APOA1: variants seen among roughly 807,000 people sequenced by gnomAD.
APOA1 encodes apolipoprotein A-I.
Under a neutral mutation model 25.9 loss-of-function variants are expected in APOA1, and 22 were observed. That is an observed-to-expected ratio of 0.85 (90% CI 0.61 to 1.21). The LOEUF (loss-of-function observed/expected upper bound fraction) is 1.21. Among genes scored for constraint, APOA1 ranks in the 50% most tolerant of loss-of-function variants. The probability of loss-of-function intolerance (pLI) is 0.00; values close to 1 mark genes in which losing one functional copy is unlikely to be tolerated. For synonymous variants in APOA1, 163 were observed against 152.2 expected (o/e 1.07, Z -0.52); for missense variants, 351 against 347.9 (o/e 1.01, Z -0.07).
rs1045089277 is a variant in APOA1, at chr11:116,836,353, G to T, written c.259C>A (p.Gln87Lys). The T allele has an allele frequency of 1.9e-6, 3 of 1,614,038 alleles. No homozygotes were observed. The highest frequency in any genetic ancestry group is 2.7e-5 in the African/African-American group (2 of 74,940). ...AACTCCTGGGTCACAGGGCCGAGCTGTTCGCGCAGCTTGCTGAAGGTGGAG... is the reference window on the plus strand; with the variant it reads ...AACTCCTGGGTCACAGGGCCGAGCTTTTCGCGCAGCTTGCTGAAGGTGGAG... ...VTSTFSKLREQLGPVTQEFWD... is the reference protein window; with the variant it reads ...VTSTFSKLREKLGPVTQEFWD... Residue 87 changes from glutamine to lysine, a missense_variant, in exon 4 of 4, where the codon CAG (glutamine) becomes AAG (lysine). Physicochemically the swap from Gln to Lys is moderately conservative, Grantham distance 53. Transcript: ENST00000236850.
chr11:116,836,741 G>A (rs1317724084), intron 3 of APOA1, among the ~76,000 whole-genome samples: 3 of 152,372 alleles, frequency 2.0e-5, no homozygotes, highest in African/African-American at 4.8e-5. Context: ...AGAGGAGGTG[G>A]TGAAGAAGGG....
rs2134230252 is a variant in APOA1, at chr11:116,835,944, T to C, written c.668A>G (p.His223Arg). Residue 223 changes from histidine (H) to arginine (R), a missense_variant, in exon 4 of 4, where the codon CAT becomes CGT. His to Arg is a conservative substitution (Grantham distance 29). Transcript: ENST00000236850. ...GGCCTTCTCGCTGAGCGTGCTCAGA[T>C]GCTCGGTGGCCTTGGCGTGGTACTC... ...LAEYHAKATE[H>R]LSTLSEKAKP... 6.2e-7 allele frequency: 1 copy of C among 1,612,602 alleles called. No individual in the cohort carries two copies. The highest frequency in any genetic ancestry group is 8.5e-7 in the Non-Finnish European group (1 of 1,179,956).
At chr11:116,837,272 C>A in intron 2 of APOA1, 73 bp downstream of exon 2, 1 of 1,595,072 alleles carries the variant, frequency 6.3e-7, no homozygotes, top group Non-Finnish European at 8.6e-7. Flanking sequence ...TGCCTCTGCC[C>A]AGGAGGGTGG....
chr11:116,836,397 T>C lies in APOA1; in HGVS notation c.215A>G (p.Asp72Gly). 1 of 1,613,944 alleles carries C rather than the reference T, an allele frequency of 6.2e-7. No individual in the cohort carries two copies. Reference sequence around the variant, plus strand: ...GGTGGAGGTCACGCTGTCCCAGTTGTCAAGGAGCTTTAGGCTGGAGGGTGA... The same window carrying C: ...GGTGGAGGTCACGCTGTCCCAGTTGCCAAGGAGCTTTAGGCTGGAGGGTGA... ...LGKQLNLKLL[D>G]NWDSVTSTFS... The change falls in exon 4 of 4, where the codon GAC (aspartate) becomes GGC (glycine). Residue 72 changes from aspartate (D) to glycine (G), a missense_variant. Transcript: ENST00000236850.
chr11:116,837,486 A>G, intron 1 of APOA1, 79 bp from the exon 2 acceptor site: 1 of 1,428,092 alleles, frequency 7.0e-7, no homozygotes. Flanking sequence ...CATTGCAGCC[A>G]GGTGAGGAGA....
rs767406908 is a variant in APOA1, at chr11:116,835,758, T to C, written c.*50A>G. The C allele has an allele frequency of 3.1e-6, 5 of 1,611,622 alleles. No homozygotes were observed. In the East Asian group the frequency reaches 1.1e-4, roughly 36 times the overall value. ...CCAAAAGAAAGAAGCTGCTTCCCAC[T>C]TTGGAAACGTTTATTCTGAGCACCG... On this transcript the variant is annotated 3_prime_UTR_variant, in exon 4 of 4. Transcript: ENST00000236850.
Position 116,836,022 on chromosome 11 carries a change from C to A in APOA1, c.590G>T (p.Arg197Leu). The change falls in exon 4 of 4, where the codon CGC (arginine) becomes CTC (leucine). Residue 197 changes from arginine to leucine, a missense_variant. Transcript: ENST00000236850. ...GAGAGCCTCAAGGCGCGCGGCCAAG[C>A]GCTGGCGCAGCTCGTCGCTGTAGGG... ...LAPYSDELRQ[R>L]LAARLEALKE... is the part of the protein sequence containing the mutation. The A allele has an allele frequency of 6.2e-7, 1 of 1,606,846 alleles. No individual in the cohort carries two copies. Among genetic ancestry groups the A allele is most frequent in the Non-Finnish European group, 8.5e-7 (1 of 1,179,614 alleles).
In APOA1 at chr11:116,835,978, T is replaced by C. The variant is rs367638050; in HGVS notation, c.634A>G (p.Arg212Gly). The change falls in exon 4 of 4, where the codon AGA (arginine) becomes GGA (glycine). Residue 212 changes from arginine to glycine, a missense_variant. By Grantham distance (125) the Arg-to-Gly change is moderately radical. Transcript: ENST00000236850. Reference protein sequence around the residue: ...LEALKENGGARLAEYHAKATE... With the variant: ...LEALKENGGAGLAEYHAKATE... ...GCCTTGGCGTGGTACTCGGCCAGTC[T>C]GGCGCCGCCGTTCTCCTTGAGAGCC... 1.2e-6 allele frequency: 2 copies of C among 1,610,200 alleles called. No individual in the cohort carries two copies. The highest frequency in any genetic ancestry group is 1.7e-6 in the Non-Finnish European group (2 of 1,179,848).
chr11:116,836,348 G>A lies in APOA1; in HGVS notation c.264C>T (p.Leu88=). Residue 88 remains leucine (L), a synonymous_variant, in exon 4 of 4, where the codon CTC becomes CTT. Coordinates refer to ENST00000236850, the MANE Select transcript of APOA1 (RefSeq NM_000039.3). The part of the protein sequence containing the change: ...TSTFSKLREQ[L]GPVTQEFWDN... ...CCCAGAACTCCTGGGTCACAGGGCC[G>A]AGCTGTTCGCGCAGCTTGCTGAAGG... is the stretch of plus-strand genomic sequence containing the variant. The A allele has an allele frequency of 6.2e-7, 1 of 1,614,140 alleles. No homozygotes were observed. The highest frequency in any genetic ancestry group is 1.1e-5 in the South Asian group (1 of 91,086).
rs747245248 is a variant in APOA1 at position 116,836,129 on chromosome 11, C to A, written c.483G>T (p.Leu161=). The A allele has an allele frequency of 4.3e-6, 7 of 1,612,660 alleles. No individual in the cohort carries two copies. In the South Asian group the frequency reaches 6.6e-5, roughly 15 times the overall value. The change falls in exon 4 of 4, where the codon CTG becomes CTT. Residue 161 remains leucine (L), a synonymous_variant. Transcript: ENST00000236850. ...CGCCCAGTGGGCTCAGCTTCTCTTG[C>A]AGCTCGTGCAGCTTCTGGCGCGCGC... ...QEGARQKLHE[L]QEKLSPLGEE... is the part of the protein sequence containing the mutation.
At position 116,836,073 on chromosome 11, in the gene APOA1, A is replaced by G; in HGVS notation, c.539T>C (p.Val180Ala). 6.2e-7 allele frequency: 1 copy of G among 1,605,962 alleles called. No homozygotes were observed. The highest frequency in any genetic ancestry group is 1.7e-5 in the Admixed American group (1 of 59,804). Residue 180 changes from valine to alanine, a missense_variant, in exon 4 of 4, where the codon GTG becomes GCG. Transcript: ENST00000236850. ...EEMRDRARAH[V>A]DALRTHLAPY... ...GGCCAGATGCGTGCGCAGCGCGTCC[A>G]CATGGGCGCGCGCGCGGTCGCGCAT...
intron 3 of APOA1, 151 bp from the exon 4 acceptor site, chr11:116,836,562 C>G (rs942072077): frequency 1.6e-5 from 18 of 1,122,122 alleles, no homozygotes; most frequent in Non-Finnish European, 2.3e-5. Flanking sequence ...CAGGCCATGC[C>G]CCGTTGTGCA....
At chr11:116,837,221 A>G (rs1043263200) in intron 2 of APOA1, 64 bp from the exon 3 acceptor site, 20 of 1,603,688 alleles carry the variant, frequency 1.2e-5, no homozygotes, top group Non-Finnish European at 1.7e-5. Flanking sequence ...CCGAAAGGCC[A>G]AGCTTGGAGG....
chr11:116,835,907 G>A lies in APOA1; in HGVS notation c.705C>T (p.Leu235=). The stretch of plus-strand genomic sequence containing the variant: ...GCAGCAGGCCTTGGCGGAGGTCCTC[G>A]AGCGCGGGCTTGGCCTTCTCGCTGA... ...STLSEKAKPA[L]EDLRQGLLPV... Residue 235 remains leucine (L), a synonymous_variant, in exon 4 of 4, where the codon CTC becomes CTT. Coordinates refer to ENST00000236850, the MANE Select transcript of APOA1 (RefSeq NM_000039.3). 1 of 1,613,188 alleles carries A rather than the reference G, an allele frequency of 6.2e-7. No homozygotes were observed. The highest frequency in any genetic ancestry group is 8.5e-7 in the Non-Finnish European group (1 of 1,180,008).
At position 116,835,780 on chromosome 11, in the gene APOA1, AC is replaced by A; in HGVS notation, c.*27del. On this transcript the variant is annotated 3_prime_UTR_variant, in exon 4 of 4. Coordinates refer to ENST00000236850, the MANE Select transcript of APOA1 (RefSeq NM_000039.3). ...CACTTTGGAAACGTTTATTCTGAGC[AC>A]CGGGAAGGGGGGCGGCGGCGGGCGC... The A allele has an allele frequency of 6.2e-7, 1 of 1,612,908 alleles. No individual in the cohort carries two copies.
chr11:116,836,107 C>T lies in APOA1; in HGVS notation c.505G>A (p.Gly169Ser). The part of the protein sequence containing the change: ...HELQEKLSPL[G>S]EEMRDRARAH... ...CGCGCGCGGTCGCGCATCTCCTCGC[C>T]CAGTGGGCTCAGCTTCTCTTGCAGC... is the stretch of plus-strand genomic sequence containing the variant. Residue 169 changes from glycine (G) to serine (S), a missense_variant, in exon 4 of 4, where the codon GGC becomes AGC. Transcript: ENST00000236850. 6.2e-7 allele frequency: 1 copy of T among 1,611,254 alleles called. No homozygotes were observed.
Position 116,836,260 on chromosome 11 carries a change from T to C in APOA1, c.352A>G (p.Lys118Glu). 1 of 1,614,178 alleles carries C rather than the reference T, an allele frequency of 6.2e-7. No individual in the cohort carries two copies. The highest frequency in any genetic ancestry group is 8.5e-7 in the Non-Finnish European group (1 of 1,180,018). ...TCCAGGTAGGGCTGCACCTTGGCCTTCACCTCCTCCAGATCCTTGCTCATC... is the reference window on the plus strand; with the variant it reads ...TCCAGGTAGGGCTGCACCTTGGCCTCCACCTCCTCCAGATCCTTGCTCATC... ...QEMSKDLEEV[K>E]AKVQPYLDDF... The change falls in exon 4 of 4, where the codon AAG (lysine) becomes GAG (glutamate). Residue 118 changes from lysine (K) to glutamate (E), a missense_variant. Physicochemically the swap from Lys to Glu is moderately conservative, Grantham distance 56. Transcript: ENST00000236850.
Position 116,837,613 on chromosome 11 carries a change from C to G in APOA1, c.-29G>C. The G allele has an allele frequency of 6.5e-6, 4 of 610,836 alleles. 1 individual carries two copies. The highest frequency in any genetic ancestry group is 1.2e-5 in the Non-Finnish European group (4 of 341,342). 37.8% of individuals were successfully genotyped at this position (610,836 alleles called of 1,614,324 possible). ...CAGGCAGCAGGACGCACCTCCTTCT[C>G]GCAGTCTCTAAGCAGCCAGCTCTTG... is the stretch of plus-strand genomic sequence containing the variant. On this transcript the variant is annotated 5_prime_UTR_variant, in exon 1 of 4. Coordinates refer to ENST00000236850, the MANE Select transcript of APOA1 (RefSeq NM_000039.3).
At chr11:116,836,798 G>A (rs1443410845) in intron 3 of APOA1, among the ~76,000 whole-genome samples, 6 of 152,232 alleles carry the variant, frequency 3.9e-5, no homozygotes, top group South Asian at 2.1e-4. Context: ...CTGTGATCAC[G>A]CATCGGGCAG....
Sources: gnomAD v4.1 joint callset for allele counts (sites outside exome capture counted in the v4.1 genomes callset) on GRCh38, gnomAD v4.1.1 for gene constraint, MANE v1.5 for transcripts, NCBI Gene and HGNC (gene_info 2026-07-23, HGNC 2026-07-21) for gene names.